The following KCNH1 variants were observed in gnomAD, a reference collection of about 807,000 sequenced individuals.
The protein encoded by KCNH1 is potassium voltage-gated channel subfamily H member 1, also known as voltage-gated delayed rectifier potassium channel KCNH1.
In KCNH1, 27 loss-of-function variants were observed where a neutral mutation model predicts 69.2. The observed-to-expected ratio is 0.39, with a 90% CI of 0.29 to 0.54. The LOEUF is 0.54. Ranked by LOEUF, KCNH1 falls within the 20% of genes least tolerant of loss-of-function variation. KCNH1 has a pLI of 0.68. For missense variants in KCNH1, 798 were observed against 1,261.6 expected (o/e 0.63, Z 5.57); for synonymous variants, 456 against 487.7 (o/e 0.93, Z 0.86).
intron 6 of KCNH1, among the ~76,000 whole-genome samples, chr1:210,980,285 G>T (rs927992213): frequency 6.6e-6 from 1 of 152,164 alleles, no homozygotes; most frequent in Non-Finnish European, 1.5e-5. Context: ...TAATGAAGAG[G>T]AGCATGTAAG....
chr1:211,091,599 G>A lies in KCNH1; in HGVS notation c.311-909C>T, dbSNP rs552818922. Among the ~76,000 whole-genome samples, 9 of 152,336 alleles carry A rather than the reference G, an allele frequency of 5.9e-5. No individual in the cohort carries two copies. The South Asian group carries it at 1.7e-3, about 28-fold the overall frequency. On this transcript the variant is annotated intron_variant, in intron 3 of 10. Coordinates refer to ENST00000271751, the MANE Select transcript of KCNH1 (RefSeq NM_172362.3). The stretch of plus-strand genomic sequence containing the variant: ...CCCCCATACAAAGCTCTCCAGAAAA[G>A]GAGGATTCCAAGCAGGTTTGGGCTT...
At chr1:210,736,501 C>T (rs1009789467) in intron 10 of KCNH1, among the ~76,000 whole-genome samples, 3 of 151,946 alleles carry the variant, frequency 2.0e-5, no homozygotes, top group East Asian at 1.9e-4. Flanking sequence ...GAGCAGAGAT[C>T]GCGCCATTGC....
intron 10 of KCNH1, among the ~76,000 whole-genome samples, chr1:210,735,209 C>A (rs865979180): frequency 6.6e-6 from 1 of 152,108 alleles, no homozygotes; most frequent in Non-Finnish European, 1.5e-5. Flanking sequence ...GAGACAGAAC[C>A]TTTTCTGTGA....
At chr1:210,858,004 T>A (rs1031931328) in intron 7 of KCNH1, 17 of 152,312 alleles carry the variant, frequency 1.1e-4, no homozygotes, top group African/African-American at 4.1e-4. Context: ...TTCAATTTTT[T>A]AAGTATGCAT....
intron 4 of KCNH1, among the ~76,000 whole-genome samples, chr1:211,084,481 A>G (rs1213316819): frequency 6.6e-6 from 1 of 152,232 alleles, no homozygotes; most frequent in African/African-American, 2.4e-5. Flanking sequence ...ATCACCTGAT[A>G]TAACATAAAA....
intron 6 of KCNH1, among the ~76,000 whole-genome samples, chr1:210,926,698 G>A (rs564575969): frequency 2.6e-4 from 40 of 152,102 alleles, no homozygotes; most frequent in African/African-American, 9.2e-4. Context: ...CACCAGCAAC[G>A]GATCCAAACC....
In KCNH1 at chr1:211,111,833, G is replaced by C. The variant is rs1308531649; in HGVS notation, c.80-4456C>G. 8.2e-4 allele frequency among the ~76,000 whole-genome samples: 75 copies of C among 91,616 alleles called. 3 individuals are homozygous for C. Among genetic ancestry groups the C allele is most frequent in the Non-Finnish European group, 1.5e-3 (69 of 46,194 alleles). 60.1% of individuals were successfully genotyped at this position (91,616 alleles called of 152,430 possible). A position where few individuals can be genotyped will look rare whatever the true frequency, so the allele number is the denominator to read the frequency against. ...CGTCTAGGAAGTGAGGTGCCCCTCT[G>C]CCTGGCCGCTGTACTGTCTGGGAAG... On this transcript the variant is annotated intron_variant, in intron 1 of 10. Transcript: ENST00000271751.
chr1:210,788,979 A>G (rs1684163914), intron 9 of KCNH1, among the ~76,000 whole-genome samples: 1 of 148,850 alleles, frequency 6.7e-6, no homozygotes, highest in Admixed American at 6.6e-5. Flanking sequence ...TACAGGCGTG[A>G]GCCACCGCGC....
At chr1:210,921,794 G>A (rs529686200) in intron 6 of KCNH1, among the ~76,000 whole-genome samples, 2 of 152,268 alleles carry the variant, frequency 1.3e-5, no homozygotes, top group South Asian at 4.2e-4. Context: ...CATGAAAAGA[G>A]CCTGGGTCCC....
chr1:210,715,761 G>T (rs1255748264), intron 10 of KCNH1, among the ~76,000 whole-genome samples: 1 of 152,112 alleles, frequency 6.6e-6, no homozygotes, highest in Non-Finnish European at 1.5e-5. Context: ...GTGACCTTCT[G>T]TGGGGCCTGG....
chr1:210,859,319 G>T, intron 7 of KCNH1: 1 of 1,513,316 alleles, frequency 6.6e-7, no homozygotes, highest in Non-Finnish European at 9.2e-7. Flanking sequence ...GTCTGTAACT[G>T]TTTTCTTTGT....
chr1:210,749,129 C>T (rs1683226074), intron 10 of KCNH1, among the ~76,000 whole-genome samples: 1 of 152,144 alleles, frequency 6.6e-6, no homozygotes, highest in African/African-American at 2.4e-5. Flanking sequence ...TCGTCTTGCT[C>T]AAATGCCACC....
At chr1:210,757,314 A>T (rs924185004) in intron 10 of KCNH1, among the ~76,000 whole-genome samples, 2 of 152,204 alleles carry the variant, frequency 1.3e-5, no homozygotes, top group Admixed American at 1.3e-4. Context: ...TGCCCTGTCC[A>T]TAATAAGGGA....
intron 1 of KCNH1, among the ~76,000 whole-genome samples, chr1:211,125,400 T>C (rs1000008195): frequency 2.0e-5 from 3 of 152,170 alleles, no homozygotes; most frequent in African/African-American, 7.2e-5. Context: ...AGAAGTCTAA[T>C]ATATGCAGTC....
chr1:210,745,930 G>A (rs1683142046), intron 10 of KCNH1, among the ~76,000 whole-genome samples: 2 of 152,166 alleles, frequency 1.3e-5, no homozygotes, highest in South Asian at 4.1e-4. Flanking sequence ...CTAGAGGGGG[G>A]GTGGTGCTTT....
intron 6 of KCNH1, among the ~76,000 whole-genome samples, chr1:210,989,241 C>T (rs1480847417): frequency 6.6e-6 from 1 of 152,216 alleles, no homozygotes; most frequent in African/African-American, 2.4e-5. Context: ...GAGATGTTAA[C>T]TTGTGCTGTG....
In KCNH1 at chr1:210,889,561, C is replaced by A. The variant is rs555721799; in HGVS notation, c.1462+30079G>T. Reference sequence around the variant, plus strand: ...TGTTGGAAGTTTTTGCCAGGGCAATCAGGCAAGAGAAAGAAATAAAGCGTA... The same window carrying A: ...TGTTGGAAGTTTTTGCCAGGGCAATAAGGCAAGAGAAAGAAATAAAGCGTA... On this transcript the variant is annotated intron_variant, in intron 7 of 10. Coordinates refer to ENST00000271751, the MANE Select transcript of KCNH1 (RefSeq NM_172362.3). 2.0e-4 allele frequency among the ~76,000 whole-genome samples: 31 copies of A among 152,308 alleles called. 1 individual carries two copies. Among genetic ancestry groups the A allele is most frequent in the African/African-American group, 7.5e-4 (31 of 41,574 alleles).
chr1:210,765,320 A>G (rs545631220), intron 10 of KCNH1, among the ~76,000 whole-genome samples: 69 of 152,272 alleles, frequency 4.5e-4, no homozygotes, highest in African/African-American at 1.6e-3. Flanking sequence ...GGGTAGTGGG[A>G]TCACTAGAAA....
chr1:210,843,507 G>C lies in KCNH1; in HGVS notation c.1463-39341C>G, dbSNP rs187011025. Among the ~76,000 whole-genome samples the C allele has an allele frequency of 3.9e-4, 59 of 152,234 alleles. No homozygotes were observed. In the Middle Eastern group the frequency reaches 0.01, roughly 26 times the overall value. On this transcript the variant is annotated intron_variant, in intron 7 of 10. Coordinates refer to ENST00000271751, the MANE Select transcript of KCNH1 (RefSeq NM_172362.3). ...CTACTCTGGTATCAGTTATCACTAG[G>C]GTTTTGGGTTGGAATTCTTCTCTCT... is the stretch of plus-strand genomic sequence containing the variant.
Sources: gnomAD v4.1 joint callset for allele counts (sites outside exome capture counted in the v4.1 genomes callset) on GRCh38, gnomAD v4.1.1 for gene constraint, MANE v1.5 for transcripts, NCBI Gene and HGNC (gene_info 2026-07-23, HGNC 2026-07-21) for gene names.